The following EVX2 variants were observed in gnomAD, a reference collection of about 807,000 sequenced individuals.
EVX2 encodes the protein homeobox even-skipped homolog protein 2.
Under a neutral mutation model 19.2 loss-of-function variants are expected in EVX2, and 10 were observed. That is an observed-to-expected ratio of 0.52 (90% confidence interval 0.32 to 0.89). The LOEUF (loss-of-function observed/expected upper bound fraction) is 0.89. EVX2 is among the 40% of genes least tolerant of loss of function. The probability of loss-of-function intolerance (pLI) is 0.03; values close to 1 mark genes in which losing one functional copy is unlikely to be tolerated. For synonymous variants in EVX2, 354 were observed against 328.4 expected (o/e 1.08, Z -0.84); for missense variants, 710 against 694.9 (o/e 1.02, Z -0.24).
chr2:176,083,221 C>T lies in EVX2; in HGVS notation c.427+129G>A, dbSNP rs1689172736. 2.1e-6 allele frequency: 2 copies of T among 973,468 alleles called. No homozygotes were observed. The highest frequency in any genetic ancestry group is 3.0e-6 in the Non-Finnish European group (2 of 665,994). 60.3% of individuals were successfully genotyped at this position (973,468 alleles called of 1,614,324 possible). ...TCCCAGACATGCGTCCCGCCCCCGC[C>T]CGTGCTAGCTCGGTGTAGCTTGCCT... On this transcript the variant is annotated intron_variant, in intron 1 of 2. Coordinates refer to ENST00000308618, the MANE Select transcript of EVX2 (RefSeq NM_001080458.2). The surrounding 1 kb of genome is among the most constrained non-coding windows in gnomAD (Gnocchi z 4.4).
chr2:176,080,763 T>G lies in EVX2; in HGVS notation c.775A>C (p.Ser259Arg). 6.2e-7 allele frequency: 1 copy of G among 1,610,494 alleles called. No homozygotes were observed. Among genetic ancestry groups the G allele is most frequent in the Non-Finnish European group, 8.5e-7 (1 of 1,179,396 alleles). The change falls in exon 3 of 3, where the codon AGC becomes CGC. Residue 259 changes from serine (S) to arginine (R), a missense_variant. Coordinates refer to ENST00000308618, the MANE Select transcript of EVX2 (RefSeq NM_001080458.2). The surrounding 1 kb of genome is among the most constrained non-coding windows in gnomAD (Gnocchi z 7.0). Reference protein sequence around the residue: ...AMSWPHPADPSFYTYMMTHAA... With the variant: ...AMSWPHPADPRFYTYMMTHAA... ...TGCGTCATCATGTAGGTGTAGAAGC[T>G]GGGGTCGGCTGGGTGCGGCCAGGAC...
chr2:176,080,499 G>A lies in EVX2; in HGVS notation c.1039C>T (p.Pro347Ser), dbSNP rs760618455. The A allele has an allele frequency of 7.3e-7, 1 of 1,362,176 alleles. No homozygotes were observed. The highest frequency in any genetic ancestry group is 9.4e-7 in the Non-Finnish European group (1 of 1,064,870). The allele number at this position is 1,362,176 out of a possible 1,614,324, so 84.4% of individuals were successfully genotyped here. The part of the protein sequence containing the change: ...SFRHPGLYQA[P>S]AAAAGLNSAA... ...CTGTTGAGCCCCGCGGCGGCCGCGG[G>A]AGCCTGGTAGAGACCAGGGTGGCGG... Residue 347 changes from proline (P) to serine (S), a missense_variant, in exon 3 of 3, where the codon CCC (proline) becomes TCC (serine). Pro to Ser is a moderately conservative substitution (Grantham distance 74). Coordinates refer to ENST00000308618, the MANE Select transcript of EVX2 (RefSeq NM_001080458.2). The surrounding 1 kb of genome is among the most constrained non-coding windows in gnomAD (Gnocchi z 7.0).
Position 176,080,379 on chromosome 2 carries a change from A to G in EVX2, c.1159T>C (p.Cys387Arg). 4.2e-6 allele frequency: 5 copies of G among 1,195,988 alleles called. No homozygotes were observed. The highest frequency in any genetic ancestry group is 5.2e-6 in the Non-Finnish European group (5 of 954,154). The allele number at this position is 1,195,988 out of a possible 1,614,324, so 74.1% of individuals were successfully genotyped here. ...CTGCTGTGGCAACTGAGGCACGAGC[A>G]GGGTGCAGAGCCGCCGCTGGGGGGC... Reference protein sequence around the residue: ...GAPPSGGSAPCSCLSCHSSQS... With the variant: ...GAPPSGGSAPRSCLSCHSSQS... Residue 387 changes from cysteine to arginine, a missense_variant, in exon 3 of 3, where the codon TGC becomes CGC. Physicochemically the swap from Cys to Arg is radical, Grantham distance 180. Transcript: ENST00000308618. This position sits in a 1 kb window ranked among gnomAD's most constrained non-coding sequence, Gnocchi z 7.0.
Position 176,083,705 on chromosome 2 carries a change from T to C in EVX2, c.72A>G (p.Arg24=), listed in dbSNP as rs541323509. 2.9e-5 allele frequency: 47 copies of C among 1,614,008 alleles called. No individual in the cohort carries two copies. The East Asian group carries it at 9.4e-4, about 32-fold the overall frequency. The change falls in exon 1 of 3, where the codon AGA becomes AGG. Residue 24 remains arginine (R), a synonymous_variant. Transcript: ENST00000308618. This position sits in a 1 kb window ranked among gnomAD's most constrained non-coding sequence, Gnocchi z 4.4. ...CAGCCGAGTTGGACAAATTGGAGAA[T>C]CTCTTGCCCGCCGTAGGGCTGTGCA... ...RGLHSPTAGK[R]FSNLSNSAGN... is the part of the protein sequence containing the mutation.
At position 176,083,406 on chromosome 2, in the gene EVX2, G is replaced by A; in HGVS notation, c.371C>T (p.Ala124Val). ...MSSDVEVGCS[A>V]LRSPGGLGAA... is the part of the protein sequence containing the mutation. Reference sequence around the variant, plus strand: ...GCCGAGGCCCCCGGGGGAGCGAAGCGCGGAGCAGCCCACCTCCACGTCGCT... The same window carrying A: ...GCCGAGGCCCCCGGGGGAGCGAAGCACGGAGCAGCCCACCTCCACGTCGCT... The change falls in exon 1 of 3, where the codon GCG (alanine) becomes GTG (valine). Residue 124 changes from alanine to valine, a missense_variant. Coordinates refer to ENST00000308618, the MANE Select transcript of EVX2 (RefSeq NM_001080458.2). The surrounding 1 kb of genome is among the most constrained non-coding windows in gnomAD (Gnocchi z 4.4). 2 of 1,613,084 alleles carry A rather than the reference G, an allele frequency of 1.2e-6. No homozygotes were observed. Among genetic ancestry groups the A allele is most frequent in the African/African-American group, 1.3e-5 (1 of 75,046 alleles).
rs1689155495 is a variant in EVX2 at position 176,082,110 on chromosome 2, G to C, written c.699+68C>G. ...ATCTAGCCACCCAGAAAGGGGAAAG[G>C]GGAAAAAGAAACAATCAACCCAGAT... On this transcript the variant is annotated intron_variant, in intron 2 of 2. Transcript: ENST00000308618. The surrounding 1 kb of genome is among the most constrained non-coding windows in gnomAD (Gnocchi z 5.2). The C allele has an allele frequency of 2.8e-5, 41 of 1,450,400 alleles. No homozygotes were observed. The South Asian group carries it at 5.5e-4, about 20-fold the overall frequency. The allele number at this position is 1,450,400 out of a possible 1,614,324, so 89.8% of individuals were successfully genotyped here.
Position 176,080,541 on chromosome 2 carries a change from C to T in EVX2, c.997G>A (p.Glu333Lys). 6.6e-7 allele frequency: 1 copy of T among 1,512,494 alleles called. No homozygotes were observed. The highest frequency in any genetic ancestry group is 8.7e-7 in the Non-Finnish European group (1 of 1,145,944). The allele number at this position is 1,512,494 out of a possible 1,614,324, so 93.7% of individuals were successfully genotyped here. A position where few individuals can be genotyped will look rare whatever the true frequency, so the allele number is the denominator to read the frequency against. ...GGGTGGCGGAAGCTACACAGCAGCT[C>T]CGGCCGAGAGTAGGGGTGCGAGAGG... The part of the protein sequence containing the change: ...RALSHPYSRP[E>K]LLCSFRHPGL... Residue 333 changes from glutamate (E) to lysine (K), a missense_variant, in exon 3 of 3, where the codon GAG becomes AAG. By Grantham distance (56) the Glu-to-Lys change is moderately conservative. Coordinates refer to ENST00000308618, the MANE Select transcript of EVX2 (RefSeq NM_001080458.2). The surrounding 1 kb of genome is among the most constrained non-coding windows in gnomAD (Gnocchi z 7.0).
rs1157037376 is a variant in EVX2, at chr2:176,081,388, T to C, written c.700-550A>G. 6.6e-6 allele frequency among the ~76,000 whole-genome samples: 1 copy of C among 152,116 alleles called. No individual in the cohort carries two copies. The highest frequency in any genetic ancestry group is 1.5e-5 in the Non-Finnish European group (1 of 68,034). On this transcript the variant is annotated intron_variant, in intron 2 of 2. Transcript: ENST00000308618. This position sits in a 1 kb window ranked among gnomAD's most constrained non-coding sequence, Gnocchi z 5.9. ...TTAAATGAGTGGGTAGAGCAATGTC[T>C]CCATAAACGGGGAAGGGGACGTTTC...
Position 176,080,127 on chromosome 2 carries a change from C to G in EVX2, c.1411G>C (p.Glu471Gln), listed in dbSNP as rs770733421. The G allele has an allele frequency of 4.5e-6, 7 of 1,547,740 alleles. No individual in the cohort carries two copies. The highest frequency in any genetic ancestry group is 5.2e-6 in the Non-Finnish European group (6 of 1,151,386). Residue 471 changes from glutamate to glutamine, a missense_variant, in exon 3 of 3, where the codon GAG (glutamate) becomes CAG (glutamine). Physicochemically the swap from Glu to Gln is conservative, Grantham distance 29. Transcript: ENST00000308618. The surrounding 1 kb of genome is among the most constrained non-coding windows in gnomAD (Gnocchi z 7.0). ...TAVSPPDQRDEAPLTR is the reference protein window; with the variant it reads ...TAVSPPDQRDQAPLTR ...CGTAGTTATCTGGTGAGCGGAGCCT[C>G]GTCCCTCTGGTCCGGCGGGCTCACG... is the stretch of plus-strand genomic sequence containing the variant.
At position 176,078,025 on chromosome 2, in the gene EVX2, C is replaced by T. The variant is rs1259684113; in HGVS notation, c.*2082G>A. The T allele has an allele frequency of 6.6e-6, 1 of 151,990 alleles. No individual in the cohort carries two copies. Among genetic ancestry groups the T allele is most frequent in the Non-Finnish European group, 1.5e-5 (1 of 67,972 alleles). The allele number at this position is 151,990 out of a possible 1,614,324, so 9.4% of individuals were successfully genotyped here. On this transcript the variant is annotated 3_prime_UTR_variant, in exon 3 of 3. Transcript: ENST00000308618. ...TTTTATGGTAATATTTTAATAGACCCCAGGAATTTCGAAATACTGTTTCCC... is the reference window on the plus strand; with the variant it reads ...TTTTATGGTAATATTTTAATAGACCTCAGGAATTTCGAAATACTGTTTCCC...
chr2:176,082,109 G>T lies in EVX2; in HGVS notation c.699+69C>A. ...AATCTAGCCACCCAGAAAGGGGAAA[G>T]GGGAAAAAGAAACAATCAACCCAGA... On this transcript the variant is annotated intron_variant, in intron 2 of 2. Coordinates refer to ENST00000308618, the MANE Select transcript of EVX2 (RefSeq NM_001080458.2). This position sits in a 1 kb window ranked among gnomAD's most constrained non-coding sequence, Gnocchi z 5.2. The T allele has an allele frequency of 6.9e-7, 1 of 1,447,276 alleles. No individual in the cohort carries two copies. 89.7% of individuals were successfully genotyped at this position (1,447,276 alleles called of 1,614,324 possible). A position where few individuals can be genotyped will look rare whatever the true frequency, so the allele number is the denominator to read the frequency against.
chr2:176,080,458 C>A lies in EVX2; in HGVS notation c.1080G>T (p.Ala360=), dbSNP rs556648763. 4 of 1,204,604 alleles carry A rather than the reference C, an allele frequency of 3.3e-6. No individual in the cohort carries two copies. Among genetic ancestry groups the A allele is most frequent in the Non-Finnish European group, 3.1e-6 (3 of 971,440 alleles). 74.6% of individuals were successfully genotyped at this position (1,204,604 alleles called of 1,614,324 possible). ...CAGCCGCTGCGGCTGCCGCGGCTGC[C>A]GCGGCAGAGGCCGCGCTGTTGAGCC... ...AAGLNSAASA[A]AAAAAAAAAA... Residue 360 remains alanine (A), a synonymous_variant, in exon 3 of 3, where the codon GCG becomes GCT. Transcript: ENST00000308618. This position sits in a 1 kb window ranked among gnomAD's most constrained non-coding sequence, Gnocchi z 7.0.
At position 176,083,807 on chromosome 2, in the gene EVX2, C is replaced by T. The variant is rs2105372969; in HGVS notation, c.-31G>A. The T allele has an allele frequency of 3.8e-6, 6 of 1,572,936 alleles. No individual in the cohort carries two copies. Among genetic ancestry groups the T allele is most frequent in the South Asian group, 1.1e-5 (1 of 88,962 alleles). On this transcript the variant is annotated 5_prime_UTR_variant, in exon 1 of 3. Coordinates refer to ENST00000308618, the MANE Select transcript of EVX2 (RefSeq NM_001080458.2). This position sits in a 1 kb window ranked among gnomAD's most constrained non-coding sequence, Gnocchi z 4.4. Reference sequence around the variant, plus strand: ...CTTTCTTAAAAATGTCACAGTGGCCCTGCTGTCCCGTCCTAATGATAGGCT... The same window carrying T: ...CTTTCTTAAAAATGTCACAGTGGCCTTGCTGTCCCGTCCTAATGATAGGCT...
chr2:176,080,674 C>A lies in EVX2; in HGVS notation c.864G>T (p.Pro288=). 1 of 1,593,430 alleles carries A rather than the reference C, an allele frequency of 6.3e-7. No individual in the cohort carries two copies. The highest frequency in any genetic ancestry group is 8.5e-7 in the Non-Finnish European group (1 of 1,175,334). ...CCGCCGCCGCCGTGACGCCCACGTG[C>A]GGGTAGTAGTGCAGCGGCACGTGCG... The part of the protein sequence containing the change: ...FHSHVPLHYY[P]HVGVTAAAAA... The change falls in exon 3 of 3, where the codon CCG becomes CCT. Residue 288 remains proline (P), a synonymous_variant. Coordinates refer to ENST00000308618, the MANE Select transcript of EVX2 (RefSeq NM_001080458.2). This position sits in a 1 kb window ranked among gnomAD's most constrained non-coding sequence, Gnocchi z 7.0.
At position 176,079,667 on chromosome 2, in the gene EVX2, C is replaced by G; in HGVS notation, c.*440G>C. 1 of 155,440 alleles carries G rather than the reference C, an allele frequency of 6.4e-6. No individual in the cohort carries two copies. The highest frequency in any genetic ancestry group is 1.4e-5 in the Non-Finnish European group (1 of 70,334). The allele number at this position is 155,440 out of a possible 1,614,324, so 9.6% of individuals were successfully genotyped here. On this transcript the variant is annotated 3_prime_UTR_variant, in exon 3 of 3. Coordinates refer to ENST00000308618, the MANE Select transcript of EVX2 (RefSeq NM_001080458.2). This position sits in a 1 kb window ranked among gnomAD's most constrained non-coding sequence, Gnocchi z 4.4. ...CTCCGGGGCGACTCCTCCCCCGCCC[C>G]CAAGCACCAGCGCACAGCATCCCCC...
chr2:176,080,347 CG>C lies in EVX2; in HGVS notation c.1190del (p.Ser397TrpfsTer67). 7.9e-7 allele frequency: 1 copy of C among 1,261,040 alleles called. No homozygotes were observed. Among genetic ancestry groups the C allele is most frequent in the Non-Finnish European group, 1.0e-6 (1 of 988,690 alleles). The allele number at this position is 1,261,040 out of a possible 1,614,324, so 78.1% of individuals were successfully genotyped here. On this transcript the variant is annotated frameshift_variant, in exon 3 of 3. Coordinates refer to ENST00000308618, the MANE Select transcript of EVX2 (RefSeq NM_001080458.2). LOFTEE classifies it high-confidence loss of function. This position sits in a 1 kb window ranked among gnomAD's most constrained non-coding sequence, Gnocchi z 7.0. The stretch of plus-strand genomic sequence containing the variant: ...CAGCTGCTGCCGCGGCTGCCGCCGC[CG>C]ACTGACTGCTGTGGCAACTGAGGCA... ...CSCLSCHSSQSAAAAAAAAAA... is the reference protein window; with the variant it reads ...CSCLSCHSSQXAAAAAAAAAA...
At position 176,080,016 on chromosome 2, in the gene EVX2, CG is replaced by C. The variant is rs547664707; in HGVS notation, c.*90del. On this transcript the variant is annotated 3_prime_UTR_variant, in exon 3 of 3. Coordinates refer to ENST00000308618, the MANE Select transcript of EVX2 (RefSeq NM_001080458.2). The surrounding 1 kb of genome is among the most constrained non-coding windows in gnomAD (Gnocchi z 7.0). ...CGCCCCCTGGCGGCAGCGGCAGCAG[CG>C]GGCAACGCGCGGAGGGCTCAGGGGG... 223 of 1,284,808 alleles carry C rather than the reference CG, an allele frequency of 1.7e-4. 2 individuals are homozygous for C. The South Asian group carries it at 4.0e-3, about 23-fold the overall frequency. 79.6% of individuals were successfully genotyped at this position (1,284,808 alleles called of 1,614,324 possible).
rs1481058676 is a variant in EVX2, at chr2:176,080,556, G to A, written c.982C>T (p.Pro328Ser). 7 of 1,525,332 alleles carry A rather than the reference G, an allele frequency of 4.6e-6. No individual in the cohort carries two copies. Among genetic ancestry groups the A allele is most frequent in the East Asian group, 4.6e-5 (2 of 43,202 alleles). The allele number at this position is 1,525,332 out of a possible 1,614,324, so 94.5% of individuals were successfully genotyped here. The change falls in exon 3 of 3, where the codon CCC becomes TCC. Residue 328 changes from proline (P) to serine (S), a missense_variant. By Grantham distance (74) the Pro-to-Ser change is moderately conservative (BLOSUM62 -1). Coordinates refer to ENST00000308618, the MANE Select transcript of EVX2 (RefSeq NM_001080458.2). The surrounding 1 kb of genome is among the most constrained non-coding windows in gnomAD (Gnocchi z 7.0). ...PLDTFRALSH[P>S]YSRPELLCSF... is the part of the protein sequence containing the mutation. Reference sequence around the variant, plus strand: ...CACAGCAGCTCCGGCCGAGAGTAGGGGTGCGAGAGGGCGCGGAAGGTGTCC... The same window carrying A: ...CACAGCAGCTCCGGCCGAGAGTAGGAGTGCGAGAGGGCGCGGAAGGTGTCC...
rs1195005618 is a variant in EVX2 at position 176,080,273 on chromosome 2, C to T, written c.1265G>A (p.Gly422Asp). The change falls in exon 3 of 3, where the codon GGT becomes GAT. Residue 422 changes from glycine (G) to aspartate (D), a missense_variant. Coordinates refer to ENST00000308618, the MANE Select transcript of EVX2 (RefSeq NM_001080458.2). The surrounding 1 kb of genome is among the most constrained non-coding windows in gnomAD (Gnocchi z 7.0). ...CCCGGCGCCCCCGCCGCCGCCGCCA[C>T]CACCACCACCGCCGCCGCCACCGCC... ...RGGGGGGGGG[G>D]GGGGGGAGAG... The T allele has an allele frequency of 7.6e-7, 1 of 1,310,014 alleles. No individual in the cohort carries two copies. Among genetic ancestry groups the T allele is most frequent in the South Asian group, 2.0e-5 (1 of 49,978 alleles). The allele number at this position is 1,310,014 out of a possible 1,614,324, so 81.1% of individuals were successfully genotyped here. A position where few individuals can be genotyped will look rare whatever the true frequency, so the allele number is the denominator to read the frequency against.
Sources: allele counts gnomAD v4.1 joint callset (sites outside exome capture counted in the v4.1 genomes callset), GRCh38; gene constraint gnomAD v4.1.1; non-coding constraint Gnocchi (gnomAD v3.1); transcripts MANE v1.5; gene names NCBI Gene and HGNC (gene_info 2026-07-23, HGNC 2026-07-21).